CYP46A1: variants seen among roughly 807,000 people sequenced by gnomAD.
The protein encoded by CYP46A1 is cholesterol 24-hydroxylase.
In CYP46A1, 20 loss-of-function variants were observed where a neutral mutation model predicts 63.3. The ratio of observed to expected loss-of-function variants is 0.32; its 90% CI spans 0.22 to 0.46. CYP46A1 has a LOEUF of 0.46. CYP46A1 is among the 20% of genes least tolerant of loss of function. The pLI, the probability that CYP46A1 is intolerant of heterozygous loss-of-function variation, is 1.00. For synonymous variants in CYP46A1, 268 were observed against 273.6 expected, an observed-to-expected ratio of 0.98 and a Z score of 0.20; for missense variants, 445 against 670.8, an observed-to-expected ratio of 0.66 and a Z score of 3.72.
At chr14:99,724,114 A>G (rs113412355) in intron 12 of CYP46A1, among the ~76,000 whole-genome samples, 131 of 152,288 alleles carry the variant, frequency 8.6e-4, no homozygotes, top group African/African-American at 3.1e-3. Context: ...AAGGACACCA[A>G]TCAGGTTGGA....
chr14:99,725,475 C>G lies in CYP46A1; in HGVS notation c.1261C>G (p.Pro421Ala). 1 of 1,613,118 alleles carries G rather than the reference C, an allele frequency of 6.2e-7. No homozygotes were observed. The highest frequency in any genetic ancestry group is 2.2e-5 in the East Asian group (1 of 44,876). Residue 421 changes from proline to alanine, a missense_variant, in exon 13 of 15, where the codon CCC becomes GCC. Pro to Ala is a conservative substitution (Grantham distance 27). Coordinates refer to ENST00000261835, the MANE Select transcript of CYP46A1 (RefSeq NM_006668.2). This position sits in a 1 kb window ranked among gnomAD's most constrained non-coding sequence, Gnocchi z 4.2. Reference protein sequence around the residue: ...FNPDRFGPGAPKPRFTYFPFS... With the variant: ...FNPDRFGPGAAKPRFTYFPFS... ...CCCCGATCGCTTCGGCCCTGGAGCA[C>G]CCAAGTAAGTCCCTCCTGGAGCTGC...
At chr14:99,716,492 T>C (rs78527951) in intron 9 of CYP46A1, among the ~76,000 whole-genome samples, 1 of 152,204 alleles carries the variant, frequency 6.6e-6, no homozygotes, top group Non-Finnish European at 1.5e-5. Flanking sequence ...TGGGGAGGCC[T>C]GCATTAGACT....
intron 3 of CYP46A1, among the ~76,000 whole-genome samples, chr14:99,692,270 A>G (rs749092240): frequency 4.6e-5 from 7 of 152,258 alleles, no homozygotes; most frequent in Non-Finnish European, 8.8e-5. Context: ...AAGAGTGCTT[A>G]CTATGTACTT....
At chr14:99,684,861 G>C (rs2056477157) in intron 1 of CYP46A1, 2 of 436,562 alleles carry the variant, frequency 4.6e-6, no homozygotes, top group East Asian at 6.4e-5. Flanking sequence ...AAGGTCACAC[G>C]GTTGGTAAGC....
chr14:99,707,376 T>G (rs8011015), intron 6 of CYP46A1, among the ~76,000 whole-genome samples, 192 bp from the exon 7 acceptor site: 45,578 of 152,216 alleles, frequency 0.3, 7,662 homozygotes, highest in South Asian at 0.39. Context: ...GAGTAGCTAC[T>G]ATGAGCTACT....
At chr14:99,717,970 A>C (rs995508873) in intron 9 of CYP46A1, 84 bp from the exon 10 acceptor site, 22 of 1,065,678 alleles carry the variant, frequency 2.1e-5, no homozygotes, top group Non-Finnish European at 2.8e-5. Context: ...ACATGCCAGC[A>C]CTGGCTGGCA....
At chr14:99,695,792 A>G (rs552814487) in intron 3 of CYP46A1, among the ~76,000 whole-genome samples, 84 of 151,786 alleles carry the variant, frequency 5.5e-4, no homozygotes, top group East Asian at 4.1e-3. Context: ...CACCATACCC[A>G]GCTAATTTTT....
In CYP46A1 at chr14:99,684,356, C is replaced by T. The variant is rs1279037146; in HGVS notation, c.-62C>T. 3.8e-6 allele frequency: 4 copies of T among 1,058,036 alleles called. No individual in the cohort carries two copies. The highest frequency in any genetic ancestry group is 2.4e-6 in the Non-Finnish European group (2 of 831,520). 65.5% of individuals were successfully genotyped at this position (1,058,036 alleles called of 1,614,324 possible). ...CGGCGCTGACAGCTGAGTCGGCTCG[C>T]GGCCTCCCGGCCCCCTCGGCGCCCG... is the stretch of plus-strand genomic sequence containing the variant. On this transcript the variant is annotated 5_prime_UTR_variant, in exon 1 of 15. Coordinates refer to ENST00000261835, the MANE Select transcript of CYP46A1 (RefSeq NM_006668.2).
Position 99,707,570 on chromosome 14 carries a change from A to T in CYP46A1, c.585A>T (p.Ala195=), listed in dbSNP as rs368295416. Residue 195 remains alanine, a splice_region_variant and synonymous_variant, in exon 7 of 15, where the codon GCA becomes GCT. Coordinates refer to ENST00000261835, the MANE Select transcript of CYP46A1 (RefSeq NM_006668.2). The part of the protein sequence containing the change: ...TYTAMDILAK[A]AFGMETSMLL... ...CCTTGCCCTTCTCTCTCCCCCAGGC[A>T]GCTTTTGGGATGGAGACCAGTATGC... The T allele has an allele frequency of 1.9e-6, 3 of 1,613,864 alleles. No individual in the cohort carries two copies. Among genetic ancestry groups the T allele is most frequent in the Non-Finnish European group, 2.5e-6 (3 of 1,179,832 alleles).
At chr14:99,715,997 G>A in intron 8 of CYP46A1, 37 bp downstream of exon 8, 1 of 1,591,468 alleles carries the variant, frequency 6.3e-7, no homozygotes, top group Non-Finnish European at 8.6e-7. Flanking sequence ...GGAGGGCGGG[G>A]TGGGCCAGGA....
intron 1 of CYP46A1, among the ~76,000 whole-genome samples, chr14:99,686,451 CT>C (rs1312425032): frequency 6.6e-6 from 1 of 152,182 alleles, no homozygotes; most frequent in African/African-American, 2.4e-5. Flanking sequence ...GATTTCAGAA[CT>C]GTTTTGTCAC....
chr14:99,725,438 G>A lies in CYP46A1; in HGVS notation c.1224G>A (p.Pro408=), dbSNP rs369668371. Reference sequence around the variant, plus strand: ...GGATGGACACATACTTTGAGGACCCGCTGACTTTCAACCCCGATCGCTTCG... The same window carrying A: ...GGATGGACACATACTTTGAGGACCCACTGACTTTCAACCCCGATCGCTTCG... ...MGRMDTYFED[P]LTFNPDRFGP... Residue 408 remains proline, a synonymous_variant, in exon 13 of 15, where the codon CCG becomes CCA. Coordinates refer to ENST00000261835, the MANE Select transcript of CYP46A1 (RefSeq NM_006668.2). The surrounding 1 kb of genome is among the most constrained non-coding windows in gnomAD (Gnocchi z 4.2). 193 of 1,614,016 alleles carry A rather than the reference G, an allele frequency of 1.2e-4. 1 individual carries two copies. The highest frequency in any genetic ancestry group is 1.5e-4 in the Non-Finnish European group (175 of 1,179,992).
Position 99,727,012 on chromosome 14 carries a change from A to C in CYP46A1, c.*285A>C. On this transcript the variant is annotated 3_prime_UTR_variant, in exon 15 of 15. Transcript: ENST00000261835. ...GCCACTTGCTCAGACGAGACACCCT[A>C]ACTCTTGCTCACTCCCTAAAGCCCT... The C allele has an allele frequency of 2.6e-6, 1 of 377,982 alleles. No homozygotes were observed. Among genetic ancestry groups the C allele is most frequent in the Non-Finnish European group, 4.7e-6 (1 of 212,346 alleles). The allele number at this position is 377,982 out of a possible 1,614,324, so 23.4% of individuals were successfully genotyped here.
At position 99,691,856 on chromosome 14, in the gene CYP46A1, G is replaced by A. The variant is rs780458125; in HGVS notation, c.277G>A (p.Val93Ile). ...TSVIVTSPES[V>I]KKFLMSTKYN... ...AGTCATCGTCACGAGTCCTGAGTCG[G>A]TTAAGGTAGGAGGAAGAGTGGTTTC... The change falls in exon 3 of 15, where the codon GTT becomes ATT. Residue 93 changes from valine to isoleucine, a missense_variant. By Grantham distance (29) the Val-to-Ile change is conservative (BLOSUM62 3). This residue lies in a region of CYP46A1 where 252 missense variants were observed against 383.3 expected (regional missense o/e 0.66). Transcript: ENST00000261835. 6.2e-7 allele frequency: 1 copy of A among 1,614,080 alleles called. No homozygotes were observed.
At chr14:99,705,711 G>C (rs1020732608) in intron 5 of CYP46A1, among the ~76,000 whole-genome samples, 21 of 152,224 alleles carry the variant, frequency 1.4e-4, no homozygotes, top group African/African-American at 5.1e-4. Flanking sequence ...TGGATCATGA[G>C]GTCAGGAGTT....
intron 10 of CYP46A1, 110 bp downstream of exon 10, chr14:99,718,236 C>G (rs2056810626): frequency 1.1e-6 from 1 of 892,844 alleles, no homozygotes; most frequent in African/African-American, 1.7e-5. Context: ...GCCCTGCTTC[C>G]CCTGGGCCTT....
intron 11 of CYP46A1, 34 bp from the exon 12 acceptor site, chr14:99,721,922 C>T: frequency 6.4e-7 from 1 of 1,568,784 alleles, no homozygotes; most frequent in Non-Finnish European, 8.8e-7. Flanking sequence ...CCTCTCCCGA[C>T]TCTCCTTGTT....
chr14:99,697,393 G>C (rs2056595893), intron 3 of CYP46A1, among the ~76,000 whole-genome samples: 2 of 151,774 alleles, frequency 1.3e-5, no homozygotes, highest in Admixed American at 1.3e-4. Flanking sequence ...ACTAATTCTG[G>C]CCTCCTTTGG....
rs148734093 is a variant in CYP46A1 at position 99,726,913 on chromosome 14, A to G, written c.*186A>G. 3.6e-4 allele frequency: 172 copies of G among 482,094 alleles called. 1 individual carries two copies. In the East Asian group the frequency reaches 5.5e-3, roughly 16 times the overall value. The allele number at this position is 482,094 out of a possible 1,614,324, so 29.9% of individuals were successfully genotyped here. A position where few individuals can be genotyped will look rare whatever the true frequency, so the allele number is the denominator to read the frequency against. Reference sequence around the variant, plus strand: ...GCGCTCCCTGTCGCCTGCGGACTCCATGGCCCTTCCTGGACTGGCCCTTGC... The same window carrying G: ...GCGCTCCCTGTCGCCTGCGGACTCCGTGGCCCTTCCTGGACTGGCCCTTGC... On this transcript the variant is annotated 3_prime_UTR_variant, in exon 15 of 15. Coordinates refer to ENST00000261835, the MANE Select transcript of CYP46A1 (RefSeq NM_006668.2).
Sources: gnomAD v4.1 joint callset for allele counts (sites outside exome capture counted in the v4.1 genomes callset) on GRCh38, gnomAD v4.1.1 for gene constraint, gnomAD v4.1.1 regional missense constraint, Gnocchi (gnomAD v3.1) non-coding constraint, MANE v1.5 for transcripts, NCBI Gene and HGNC (gene_info 2026-07-23, HGNC 2026-07-21) for gene names.